PID1: variants seen among roughly 807,000 people sequenced by gnomAD.
The protein encoded by PID1 is phosphotyrosine interaction domain containing 1.
A neutral mutation model predicts 19.1 loss-of-function variants in PID1; 10 were observed. The observed-to-expected ratio is 0.52, with a 90% CI of 0.32 to 0.89. The LOEUF (loss-of-function observed/expected upper bound fraction) is 0.89. Among genes scored for constraint, PID1 ranks in the 40% least tolerant of loss-of-function variants. The pLI, the probability that PID1 is intolerant of heterozygous loss-of-function variation, is 0.03. For synonymous variants in PID1, 130 were observed against 116.0 expected (o/e 1.12, Z -0.78); for missense variants, 248 against 285.3 (o/e 0.87, Z 0.94).
intron 1 of PID1, among the ~76,000 whole-genome samples, chr2:229,206,652 G>A (rs6739407): frequency 0.29 from 43,431 of 152,016 alleles, 6,929 homozygotes; most frequent in East Asian, 0.63. Context: ...ACAACTCCAC[G>A]AAAGCGACCA....
Position 229,269,741 on chromosome 2 carries a change from G to C in PID1, c.30+1273C>G, listed in dbSNP as rs938302169. ...GATATTCTCTTAGTAAGACAAGGAG[G>C]GGGTTAGGAGGTTGGTCATCCACCT... On this transcript the variant is annotated intron_variant, in intron 1 of 2. Coordinates refer to ENST00000392055, the MANE Select transcript of PID1 (RefSeq NM_001100818.2). 3.9e-5 allele frequency among the ~76,000 whole-genome samples: 6 copies of C among 152,246 alleles called. No individual in the cohort carries two copies. In the South Asian group the frequency reaches 8.3e-4, roughly 21 times the overall value.
At chr2:229,221,216 C>A (rs1691963226) in intron 1 of PID1, among the ~76,000 whole-genome samples, 1 of 152,128 alleles carries the variant, frequency 6.6e-6, no homozygotes, top group South Asian at 2.1e-4. Flanking sequence ...CAGGGAATGC[C>A]CTTAGTATCA....
At chr2:229,070,016 C>T (rs543648506) in intron 2 of PID1, among the ~76,000 whole-genome samples, 7 of 152,248 alleles carry the variant, frequency 4.6e-5, no homozygotes, top group African/African-American at 1.4e-4. Context: ...ATTTATTGGT[C>T]GCCTGCTAGG....
At chr2:229,243,691 T>C (rs1689932145) in intron 1 of PID1, among the ~76,000 whole-genome samples, 1 of 152,136 alleles carries the variant, frequency 6.6e-6, no homozygotes, top group Non-Finnish European at 1.5e-5. Flanking sequence ...ACAAAGTATC[T>C]GCCTCACAGT....
At chr2:229,218,388 A>C (rs1421909389) in intron 1 of PID1, among the ~76,000 whole-genome samples, 2 of 151,186 alleles carry the variant, frequency 1.3e-5, no homozygotes. Context: ...TTTTGTGCCC[A>C]TTCAACCCCT....
At chr2:229,174,961 G>A (rs1260002162) in intron 1 of PID1, among the ~76,000 whole-genome samples, 1 of 152,052 alleles carries the variant, frequency 6.6e-6, no homozygotes, top group African/African-American at 2.4e-5. Flanking sequence ...CTAAGCCTTG[G>A]CATCCAGCCA....
chr2:229,250,150 A>G (rs927020116), intron 1 of PID1, among the ~76,000 whole-genome samples: 2 of 152,230 alleles, frequency 1.3e-5, no homozygotes, highest in East Asian at 1.9e-4. Flanking sequence ...AATGTGAAAA[A>G]GACTGCAGAA....
intron 1 of PID1, among the ~76,000 whole-genome samples, chr2:229,232,772 T>TAC (rs1166489169): frequency 1.7e-4 from 23 of 131,864 alleles, no homozygotes; most frequent in Non-Finnish European, 3.1e-4. Context: ...TGAATATATA[T>TAC]ACACACACAC....
chr2:229,226,899 T>C (rs1692088639), intron 1 of PID1, among the ~76,000 whole-genome samples: 1 of 152,230 alleles, frequency 6.6e-6, no homozygotes, highest in South Asian at 2.1e-4. Flanking sequence ...ACTGAAATAG[T>C]ACTGTGAAAG....
intron 2 of PID1, among the ~76,000 whole-genome samples, chr2:229,063,608 A>G (rs1694258929): frequency 6.6e-6 from 1 of 152,070 alleles, no homozygotes; most frequent in Admixed American, 6.6e-5. Context: ...CTGCTGTTGA[A>G]TGGAGTATTC....
chr2:229,155,740 G>T, intron 2 of PID1, 78 bp downstream of exon 2: 2 of 1,277,858 alleles, frequency 1.6e-6, no homozygotes, highest in Non-Finnish European at 1.1e-6. Flanking sequence ...GATTACCATT[G>T]TGAAACATAG....
chr2:229,086,004 T>C (rs1471910018), intron 2 of PID1, among the ~76,000 whole-genome samples: 1 of 152,160 alleles, frequency 6.6e-6, no homozygotes, highest in Non-Finnish European at 1.5e-5. Context: ...CAATATTTTA[T>C]TGACCCTGTA....
chr2:229,095,451 G>A (rs906811823), intron 2 of PID1, among the ~76,000 whole-genome samples: 2 of 151,996 alleles, frequency 1.3e-5, no homozygotes, highest in Admixed American at 6.6e-5. Context: ...GCACAAATTT[G>A]GAGTAATTTC....
intron 2 of PID1, among the ~76,000 whole-genome samples, chr2:229,054,730 G>T (rs1488336047): frequency 2.5e-5 from 3 of 119,442 alleles, no homozygotes; most frequent in Admixed American, 1.6e-4. Flanking sequence ...GGGGGGGGGG[G>T]GGGGTCTGGT....
intron 1 of PID1, among the ~76,000 whole-genome samples, chr2:229,222,272 C>T (rs945570422): frequency 1.3e-5 from 2 of 152,084 alleles, no homozygotes; most frequent in Non-Finnish European, 2.9e-5. Context: ...CCCATGTGTT[C>T]GCGGGTCTAC....
At chr2:229,261,201 A>G (rs1574766729) in intron 1 of PID1, among the ~76,000 whole-genome samples, 1 of 151,986 alleles carries the variant, frequency 6.6e-6, no homozygotes, top group Admixed American at 6.6e-5. Flanking sequence ...GGACAAATTA[A>G]CCCTGCCAGC....
At chr2:229,077,933 T>C (rs1051519846) in intron 2 of PID1, among the ~76,000 whole-genome samples, 1 of 152,234 alleles carries the variant, frequency 6.6e-6, no homozygotes, top group Non-Finnish European at 1.5e-5. Context: ...AAGTCAATGG[T>C]AGCTTGATGG....
At chr2:229,203,170 G>C (rs1027848855) in intron 1 of PID1, among the ~76,000 whole-genome samples, 5 of 152,096 alleles carry the variant, frequency 3.3e-5, no homozygotes, top group Non-Finnish European at 7.4e-5. Flanking sequence ...TTGAGAGCCA[G>C]TGTCCTTGAA....
At chr2:229,252,260 A>G (rs1284483927) in intron 1 of PID1, among the ~76,000 whole-genome samples, 1 of 152,258 alleles carries the variant, frequency 6.6e-6, no homozygotes, top group Non-Finnish European at 1.5e-5. Context: ...AGAAAGGAAG[A>G]AAGTTGTTTT....
Sources: allele counts gnomAD v4.1 joint callset (sites outside exome capture counted in the v4.1 genomes callset), GRCh38; gene constraint gnomAD v4.1.1; transcripts MANE v1.5; gene names NCBI Gene and HGNC (gene_info 2026-07-23, HGNC 2026-07-21).